Variants in QTMAN observed in about 807,000 individuals in gnomAD.
The protein encoded by QTMAN is queuosine-tRNA mannosyltransferase.
At chr2:144,010,389 A>G in the QTMAN span, among the ~76,000 whole-genome samples, 2 of 152,154 alleles carry the variant, frequency 1.3e-5, no homozygotes, top group Non-Finnish European at 2.9e-5. Flanking sequence ...GAATAGGGAC[A>G]TGGAAAGATG....
At chr2:144,055,399 T>C in the QTMAN span, among the ~76,000 whole-genome samples, 1 of 150,554 alleles carries the variant, frequency 6.6e-6, no homozygotes, top group African/African-American at 2.4e-5. Context: ...CTAAAACGGA[T>C]TCAAGTGGAG....
chr2:144,012,816 G>A, the QTMAN span, among the ~76,000 whole-genome samples: 1 of 152,142 alleles, frequency 6.6e-6, no homozygotes, highest in Non-Finnish European at 1.5e-5. Flanking sequence ...GAAAGAGAGA[G>A]CGTGTATAAC....
chr2:144,242,960 T>TAAAA, the QTMAN span, among the ~76,000 whole-genome samples: 63 of 77,790 alleles, frequency 8.1e-4, 1 homozygote, highest in Non-Finnish European at 1.1e-3. Context: ...AGACTCTACT[T>TAAAA]AAAAAAAAAA....
At chr2:144,274,450 C>G in the QTMAN span, among the ~76,000 whole-genome samples, 2 of 152,174 alleles carry the variant, frequency 1.3e-5, no homozygotes, top group African/African-American at 2.4e-5. Flanking sequence ...AATTAGTGGG[C>G]TGGAACTTTC....
chr2:144,192,663 G>GT, the QTMAN span, among the ~76,000 whole-genome samples: 1 of 152,168 alleles, frequency 6.6e-6, no homozygotes, highest in African/African-American at 2.4e-5. Context: ...AGATCTCTTT[G>GT]TAAGTTTTAC....
At chr2:143,971,445 G>A in the QTMAN span, among the ~76,000 whole-genome samples, 1 of 152,066 alleles carries the variant, frequency 6.6e-6, no homozygotes, top group African/African-American at 2.4e-5. Context: ...ATTTAGTAGA[G>A]GCTTTGGAAC....
chr2:144,019,435 G>GGTGTGT, the QTMAN span, among the ~76,000 whole-genome samples: 11,542 of 117,010 alleles, frequency 0.099, 774 homozygotes, highest in South Asian at 0.13. Context: ...TAAGCATGCA[G>GGTGTGT]GTGTGTGTGT....
the QTMAN span, among the ~76,000 whole-genome samples, chr2:144,107,459 A>T: frequency 6.6e-6 from 1 of 152,270 alleles, no homozygotes; most frequent in East Asian, 1.9e-4. Context: ...AACTACCATC[A>T]GAGAATACTA....
At chr2:144,145,916 G>C in the QTMAN span, 1 of 196,112 alleles carries the variant, frequency 5.1e-6, no homozygotes, top group Non-Finnish European at 9.6e-6. Context: ...CTCTTAAAAA[G>C]CAGCTGCTTA....
At chr2:144,124,397 C>T in the QTMAN span, among the ~76,000 whole-genome samples, 63 of 152,148 alleles carry the variant, frequency 4.1e-4, no homozygotes, top group African/African-American at 1.3e-3. Flanking sequence ...TTAGGTCATA[C>T]GAATTAAATA....
At chr2:143,950,558 C>T in the QTMAN span, among the ~76,000 whole-genome samples, 1 of 151,510 alleles carries the variant, frequency 6.6e-6, no homozygotes, top group African/African-American at 2.4e-5. Flanking sequence ...AAATACTTTA[C>T]CAAAAATTCA....
the QTMAN span, among the ~76,000 whole-genome samples, chr2:144,030,659 TA>T: frequency 1.3e-5 from 2 of 150,954 alleles, no homozygotes; most frequent in Non-Finnish European, 1.5e-5. Flanking sequence ...GAAGGAAATT[TA>T]AAAAAAAAGA....
At chr2:144,181,309 T>C in the QTMAN span, among the ~76,000 whole-genome samples, 1 of 152,168 alleles carries the variant, frequency 6.6e-6, no homozygotes, top group African/African-American at 2.4e-5. Flanking sequence ...TAATGCAAAA[T>C]GTGTTCCTTT....
chr2:144,116,546 T>A, the QTMAN span, among the ~76,000 whole-genome samples: 1 of 152,166 alleles, frequency 6.6e-6, no homozygotes, highest in Non-Finnish European at 1.5e-5. Context: ...CCGTACACAA[T>A]GCCTTCAAGG....
the QTMAN span, among the ~76,000 whole-genome samples, chr2:144,030,067 G>A: frequency 6.6e-6 from 1 of 152,112 alleles, no homozygotes; most frequent in Admixed American, 6.5e-5. Context: ...TACTTTGTTA[G>A]GTACTATGGT....
At chr2:144,162,072 G>A in the QTMAN span, among the ~76,000 whole-genome samples, 1 of 152,114 alleles carries the variant, frequency 6.6e-6, no homozygotes, top group Non-Finnish European at 1.5e-5. Flanking sequence ...GCTGTAAAAA[G>A]GATCTGAATA....
the QTMAN span, among the ~76,000 whole-genome samples, chr2:144,108,107 A>G: frequency 6.6e-6 from 1 of 152,214 alleles, no homozygotes; most frequent in Non-Finnish European, 1.5e-5. Flanking sequence ...ATGTATATCA[A>G]AATCATAAGA....
the QTMAN span, among the ~76,000 whole-genome samples, chr2:144,251,687 C>T: frequency 6.6e-6 from 1 of 151,818 alleles, no homozygotes; most frequent in Admixed American, 6.6e-5. Flanking sequence ...TTAGATATAA[C>T]ACCAAAAACA....
At chr2:144,133,116 AAT>A in the QTMAN span, among the ~76,000 whole-genome samples, 6,306 of 40,382 alleles carry the variant, frequency 0.16, 480 homozygotes, top group Middle Eastern at 0.29. Flanking sequence ...AATGACTGGT[AAT>A]ATATATATAT....
Sources: allele counts gnomAD v4.1 joint callset (sites outside exome capture counted in the v4.1 genomes callset), GRCh38; gene constraint gnomAD v4.1.1; transcripts MANE v1.5; gene names NCBI Gene and HGNC (gene_info 2026-07-23, HGNC 2026-07-21).